SRCAP: variants seen among roughly 807,000 people sequenced by gnomAD.
SRCAP encodes Snf2 related CREBBP activator protein, also known as chromatin remodeling protein SRCAP.
A neutral mutation model predicts 263.1 loss-of-function variants in SRCAP; 46 were observed. That is an observed-to-expected ratio of 0.17 (90% CI 0.14 to 0.22). SRCAP has a LOEUF of 0.22. SRCAP is among the 10% of genes least tolerant of loss of function. The pLI, the probability that SRCAP is intolerant of heterozygous loss-of-function variation, is 1.00. For synonymous variants in SRCAP, 1,813 were observed against 1,662.1 expected (o/e 1.09, Z -2.21); for missense variants, 3,695 against 4,181.9 (o/e 0.88, Z 3.21).
At position 30,733,366 on chromosome 16, in the gene SRCAP, C is replaced by T. The variant is rs375184795; in HGVS notation, c.6214C>T (p.Leu2072=). 3.0e-5 allele frequency: 48 copies of T among 1,614,030 alleles called. No homozygotes were observed. The highest frequency in any genetic ancestry group is 4.0e-5 in the African/African-American group (3 of 74,912). The change falls in exon 28 of 34, where the codon CTG becomes TTG. Residue 2072 remains leucine, a synonymous_variant. Transcript: ENST00000262518. This position sits in a 1 kb window ranked among gnomAD's most constrained non-coding sequence, Gnocchi z 5.3. The stretch of plus-strand genomic sequence containing the variant: ...CATCTTCACCCAGATGACCCGAATG[C>T]TGGATGTATTGGAGCAGTTTCTCAC... ...VLIFTQMTRM[L]DVLEQFLTYH... is the part of the protein sequence containing the mutation.
At position 30,739,517 on chromosome 16, in the gene SRCAP, C is replaced by G. The variant is rs151087642; in HGVS notation, c.9477C>G (p.Pro3159=). The change falls in exon 34 of 34, where the codon CCC becomes CCG. Residue 3159 remains proline, a synonymous_variant. Transcript: ENST00000262518. ...TGGCAAAGCGGGGCCGCCTACAGCC[C>G]CCAAGTCCCCTGGGGCCTGAGGGTT... ...PGLAKRGRLQ[P]PSPLGPEGSV... 1.6e-5 allele frequency: 26 copies of G among 1,612,624 alleles called. No homozygotes were observed. The African/African-American group carries it at 3.2e-4, about 20-fold the overall frequency.
intron 18 of SRCAP, 57 bp downstream of exon 18, chr16:30,716,536 G>A (rs1427797775): frequency 2.7e-6 from 4 of 1,503,650 alleles, no homozygotes; most frequent in East Asian, 4.6e-5. Context: ...CTCCAACCAT[G>A]TACCTCTTTT....
At chr16:30,730,014 C>T (rs1481268755) in intron 27 of SRCAP, among the ~76,000 whole-genome samples, 2 of 152,158 alleles carry the variant, frequency 1.3e-5, no homozygotes, top group Non-Finnish European at 2.9e-5. Flanking sequence ...GCGATCCTCC[C>T]GCCTCAGCCT....
Position 30,711,667 on chromosome 16 carries a change from C to G in SRCAP, c.1415C>G (p.Ala472Gly), listed in dbSNP as rs2052893686. The change falls in exon 11 of 34, where the codon GCT (alanine) becomes GGT (glycine). Residue 472 changes from alanine to glycine, a missense_variant. By Grantham distance (60) the Ala-to-Gly change is moderately conservative. Around this residue, in one of 12 missense-constraint regions of SRCAP, gnomAD observed 288 missense variants for 302.4 expected, o/e 0.95. Coordinates refer to ENST00000262518, the MANE Select transcript of SRCAP (RefSeq NM_006662.3). ...SEDEDEDEVD[A>G]NSSDCEPEGP... The stretch of plus-strand genomic sequence containing the variant: ...GATGAGGATGAAGATGAGGTTGATG[C>G]TAATAGCTCTGACTGTGAACCAGAG... The G allele has an allele frequency of 1.9e-6, 3 of 1,613,928 alleles. No individual in the cohort carries two copies. Among genetic ancestry groups the G allele is most frequent in the Non-Finnish European group, 2.5e-6 (3 of 1,180,000 alleles).
intron 1 of SRCAP, 61 bp from the exon 2 acceptor site, chr16:30,699,847 T>A (rs1319162860): frequency 6.6e-6 from 1 of 152,220 alleles, no homozygotes; most frequent in Non-Finnish European, 1.5e-5. Context: ...TTAACTGATT[T>A]GGGTATATTT....
At chr16:30,706,857 G>C (rs2052833420) in intron 4 of SRCAP, among the ~76,000 whole-genome samples, 2 of 152,052 alleles carry the variant, frequency 1.3e-5, no homozygotes, top group Non-Finnish European at 2.9e-5. Flanking sequence ...ATGTCTATGG[G>C]GTGTGGAGAT....
chr16:30,724,700 C>CA lies in SRCAP; in HGVS notation c.5277dup (p.Val1760SerfsTer88), dbSNP rs1567248593. On this transcript the variant is annotated frameshift_variant, in exon 25 of 34. Transcript: ENST00000262518. LOFTEE classifies it high-confidence loss of function. ...GCACCCCCTCTGGCTCCAGCTTCTC[C>CA]AGTGGGCCCAGCCCCAGCTCACACG... The CA allele has an allele frequency of 6.2e-7, 1 of 1,614,160 alleles. No individual in the cohort carries two copies. The highest frequency in any genetic ancestry group is 8.5e-7 in the Non-Finnish European group (1 of 1,180,040).
chr16:30,715,304 G>A (rs2052936590), intron 16 of SRCAP, among the ~76,000 whole-genome samples: 3 of 152,224 alleles, frequency 2.0e-5, no homozygotes, highest in East Asian at 3.9e-4. Context: ...GGTGGCTCAC[G>A]CCTGTAATCC....
intron 18 of SRCAP, among the ~76,000 whole-genome samples, chr16:30,718,592 C>T (rs1346680817): frequency 6.6e-6 from 1 of 151,634 alleles, no homozygotes; most frequent in African/African-American, 2.4e-5. Flanking sequence ...TCCTGCCTCA[C>T]TCCCAAGTAA....
intron 3 of SRCAP, among the ~76,000 whole-genome samples, chr16:30,701,832 A>T (rs1028151700): frequency 3.3e-5 from 5 of 150,744 alleles, no homozygotes; most frequent in Non-Finnish European, 5.9e-5. Flanking sequence ...TTTCACCATC[A>T]TGTTGGCCAG....
chr16:30,739,943 G>A lies in SRCAP; in HGVS notation c.*210G>A. On this transcript the variant is annotated 3_prime_UTR_variant, in exon 34 of 34. Coordinates refer to ENST00000262518, the MANE Select transcript of SRCAP (RefSeq NM_006662.3). ...AGTCCCCTTCCCCTTCACCCCACGT[G>A]GCTGGGCAGTGTTAAGGGTGGCAAG... 1.3e-6 allele frequency: 1 copy of A among 750,904 alleles called. No individual in the cohort carries two copies. 46.5% of individuals were successfully genotyped at this position (750,904 alleles called of 1,614,324 possible). A position where few individuals can be genotyped will look rare whatever the true frequency, so the allele number is the denominator to read the frequency against.
rs779179183 is a variant in SRCAP, at chr16:30,733,669, G to A, written c.6365G>A (p.Gly2122Asp). ...FCFILSTRSGGVGVNLTGADT... is the reference protein window; with the variant it reads ...FCFILSTRSGDVGVNLTGADT... ...TTCATCCTTTCAACTCGGAGTGGGG[G>A]TGTGGGCGTGAACCTGACAGGAGCA... Residue 2122 changes from glycine (G) to aspartate (D), a missense_variant, in exon 29 of 34, where the codon GGT becomes GAT. Physicochemically the swap from Gly to Asp is moderately conservative, Grantham distance 94. This residue lies in a region of SRCAP where 138 missense variants were observed against 254.9 expected (regional missense o/e 0.54). Transcript: ENST00000262518. The surrounding 1 kb of genome is among the most constrained non-coding windows in gnomAD (Gnocchi z 5.3). 1 of 1,614,160 alleles carries A rather than the reference G, an allele frequency of 6.2e-7. No homozygotes were observed. Among genetic ancestry groups the A allele is most frequent in the Non-Finnish European group, 8.5e-7 (1 of 1,180,042 alleles).
chr16:30,739,426 C>A lies in SRCAP; in HGVS notation c.9386C>A (p.Pro3129His), dbSNP rs1216269111. ...STRLRPGSLV[P>H]PLETEKLPRK... is the part of the protein sequence containing the mutation. ...CGGCTGCGTCCAGGGTCTCTAGTCC[C>A]CCCACTAGAGACTGAGAAGTTGCCT... Residue 3129 changes from proline to histidine, a missense_variant, in exon 34 of 34, where the codon CCC becomes CAC. Coordinates refer to ENST00000262518, the MANE Select transcript of SRCAP (RefSeq NM_006662.3). 6.2e-7 allele frequency: 1 copy of A among 1,614,112 alleles called. No individual in the cohort carries two copies. Among genetic ancestry groups the A allele is most frequent in the Non-Finnish European group, 8.5e-7 (1 of 1,180,048 alleles).
chr16:30,731,017 T>G (rs2053109916), intron 27 of SRCAP, among the ~76,000 whole-genome samples: 1 of 152,142 alleles, frequency 6.6e-6, no homozygotes, highest in Admixed American at 6.5e-5. Context: ...ATCTTTAGCT[T>G]TTTATCTTTT....
In SRCAP at chr16:30,724,364, C is replaced by T. The variant is rs200403976; in HGVS notation, c.4940C>T (p.Pro1647Leu). 2.2e-5 allele frequency: 35 copies of T among 1,614,168 alleles called. No individual in the cohort carries two copies. The highest frequency in any genetic ancestry group is 9.3e-5 in the African/African-American group (7 of 75,032). Reference sequence around the variant, plus strand: ...GGAACCTCTTTAGCCTCAGCTTCACCGGTACCAGCTCCAACCCCTGTGTTG... The same window carrying T: ...GGAACCTCTTTAGCCTCAGCTTCACTGGTACCAGCTCCAACCCCTGTGTTG... ...TPGTSLASAS[P>L]VPAPTPVLAP... is the part of the protein sequence containing the mutation. The change falls in exon 25 of 34, where the codon CCG becomes CTG. Residue 1647 changes from proline to leucine, a missense_variant. Pro to Leu is a moderately conservative substitution (Grantham distance 98, BLOSUM62 -3). Coordinates refer to ENST00000262518, the MANE Select transcript of SRCAP (RefSeq NM_006662.3).
chr16:30,707,514 C>T, intron 5 of SRCAP, 58 bp from the exon 6 acceptor site: 1 of 1,606,850 alleles, frequency 6.2e-7, no homozygotes, highest in Non-Finnish European at 8.5e-7. Flanking sequence ...ATTTTCTTTG[C>T]CTTTGGGTGG....
At position 30,724,988 on chromosome 16, in the gene SRCAP, CTGG is replaced by C. The variant is rs1161711317; in HGVS notation, c.5566_5568del (p.Gly1856del). 4 of 1,614,116 alleles carry C rather than the reference CTGG, an allele frequency of 2.5e-6. No homozygotes were observed. Among genetic ancestry groups the C allele is most frequent in the Non-Finnish European group, 3.4e-6 (4 of 1,180,054 alleles). ...GAGCCTGACACACTGACATTGCGCT[CTGG>C]TCCCCCCAGCCCTCCCTCCACTGCT... On this transcript the variant is annotated inframe_deletion, in exon 25 of 34. Transcript: ENST00000262518.
chr16:30,726,787 A>G (rs1407615964), intron 25 of SRCAP, among the ~76,000 whole-genome samples: 1 of 152,124 alleles, frequency 6.6e-6, no homozygotes, highest in African/African-American at 2.4e-5. Context: ...TGCAACCTCC[A>G]CTTCCCAGGC....
At chr16:30,712,239 T>TA (rs1276533242) in intron 12 of SRCAP, 23 bp from the exon 13 acceptor site, 1 of 1,593,882 alleles carries the variant, frequency 6.3e-7, no homozygotes, top group South Asian at 1.1e-5. Context: ...TCCATTGTGT[T>TA]ACCTATATTT....
Sources: gnomAD v4.1 joint callset for allele counts (sites outside exome capture counted in the v4.1 genomes callset) on GRCh38, gnomAD v4.1.1 for gene constraint, gnomAD v4.1.1 regional missense constraint, Gnocchi (gnomAD v3.1) non-coding constraint, MANE v1.5 for transcripts, NCBI Gene and HGNC (gene_info 2026-07-23, HGNC 2026-07-21) for gene names.